FUT9: variants seen among roughly 807,000 people sequenced by gnomAD.
The protein encoded by FUT9 is fucosyltransferase 9.
A neutral mutation model predicts 29.7 loss-of-function variants in FUT9; 15 were observed. The ratio of observed to expected loss-of-function variants is 0.51; its 90% CI spans 0.34 to 0.78. The LOEUF (loss-of-function observed/expected upper bound fraction) is 0.78, where lower values mean the gene tolerates loss of function less well. Among genes scored for constraint, FUT9 ranks in the 30% least tolerant of loss-of-function variants. The pLI, the probability that FUT9 is intolerant of heterozygous loss-of-function variation, is 0.01. For synonymous variants in FUT9, 169 were observed against 153.7 expected (o/e 1.10, Z -0.74); for missense variants, 319 against 425.4 (o/e 0.75, Z 2.20).
chr6:96,144,717 G>A (rs1201083477), intron 2 of FUT9, among the ~76,000 whole-genome samples: 1 of 151,992 alleles, frequency 6.6e-6, no homozygotes, highest in African/African-American at 2.4e-5. Flanking sequence ...TAGTTTAAGT[G>A]GAATTATTCA....
At chr6:96,159,669 A>G (rs959652957) in intron 2 of FUT9, among the ~76,000 whole-genome samples, 2 of 152,134 alleles carry the variant, frequency 1.3e-5, no homozygotes, top group Non-Finnish European at 2.9e-5. Context: ...TTTCTGCTGG[A>G]GCCAGGATCC....
chr6:96,067,792 T>A (rs1215894254), intron 1 of FUT9, among the ~76,000 whole-genome samples: 2 of 152,294 alleles, frequency 1.3e-5, no homozygotes, highest in East Asian at 3.9e-4. Flanking sequence ...AGCTAGTTTT[T>A]CTACCTTTTA....
At chr6:96,202,561 T>A (rs191147527) in intron 2 of FUT9, among the ~76,000 whole-genome samples, 2 of 152,308 alleles carry the variant, frequency 1.3e-5, no homozygotes, top group African/African-American at 4.8e-5. Context: ...ACTTGTTTTT[T>A]AAAAATGTAT....
chr6:96,183,742 C>T (rs189386665), intron 2 of FUT9, among the ~76,000 whole-genome samples: 484 of 152,112 alleles, frequency 3.2e-3, no homozygotes, highest in African/African-American at 0.011. Context: ...TGTTGTATCA[C>T]ATTTATTAAC....
intron 2 of FUT9, among the ~76,000 whole-genome samples, chr6:96,193,229 T>C (rs1582300434): frequency 7.2e-6 from 1 of 139,766 alleles, no homozygotes; most frequent in African/African-American, 2.6e-5. Flanking sequence ...AAAGAGCTTC[T>C]GCACAGCCAA....
intron 1 of FUT9, among the ~76,000 whole-genome samples, chr6:96,105,553 T>G (rs900143785): frequency 2.6e-5 from 4 of 152,220 alleles, no homozygotes; most frequent in Non-Finnish European, 5.9e-5. Flanking sequence ...CTATGCTAAA[T>G]TTTATCATTT....
intron 1 of FUT9, among the ~76,000 whole-genome samples, chr6:96,025,617 A>G (rs1353994567): frequency 6.6e-6 from 1 of 151,684 alleles, no homozygotes; most frequent in African/African-American, 2.4e-5. Context: ...GGAAGGAGAG[A>G]GACTTCATAT....
intron 1 of FUT9, among the ~76,000 whole-genome samples, chr6:96,050,307 A>G (rs1770642392): frequency 1.3e-5 from 2 of 152,228 alleles, no homozygotes; most frequent in Non-Finnish European, 1.5e-5. Flanking sequence ...TTAAAATTCA[A>G]TAGTTTAAGA....
At chr6:96,174,741 G>T (rs1773173758) in intron 2 of FUT9, among the ~76,000 whole-genome samples, 1 of 152,168 alleles carries the variant, frequency 6.6e-6, no homozygotes, top group South Asian at 2.1e-4. Flanking sequence ...GGTTAGAAAG[G>T]TTGAAGAAGA....
chr6:96,021,436 G>C (rs1454829134), intron 1 of FUT9, among the ~76,000 whole-genome samples: 3 of 151,798 alleles, frequency 2.0e-5, no homozygotes, highest in Non-Finnish European at 2.9e-5. Flanking sequence ...AAAGTAAGTA[G>C]GAAATGCTTA....
intron 2 of FUT9, among the ~76,000 whole-genome samples, chr6:96,125,367 A>G (rs1772115270): frequency 6.6e-6 from 1 of 152,216 alleles, no homozygotes; most frequent in Admixed American, 6.5e-5. Flanking sequence ...TTTAGGGATA[A>G]GAATAATTCC....
At chr6:96,175,072 C>T (rs916805191) in intron 2 of FUT9, among the ~76,000 whole-genome samples, 1 of 151,794 alleles carries the variant, frequency 6.6e-6, no homozygotes, top group African/African-American at 2.4e-5. Flanking sequence ...TAGGCATTAG[C>T]TAGATTGAAG....
chr6:96,064,618 A>G (rs1770932195), intron 1 of FUT9, among the ~76,000 whole-genome samples: 1 of 152,190 alleles, frequency 6.6e-6, no homozygotes, highest in Non-Finnish European at 1.5e-5. Context: ...ATACAAACAT[A>G]AAAGTAGCTC....
Position 96,212,236 on chromosome 6 carries a change from A to G in FUT9, c.*8001A>G. The G allele has an allele frequency of 2.4e-6, 1 of 412,766 alleles. No homozygotes were observed. The highest frequency in any genetic ancestry group is 1.3e-4 in the South Asian group (1 of 7,856). 25.6% of individuals were successfully genotyped at this position (412,766 alleles called of 1,614,324 possible). ...TCATTAGCCACCTTCAGTTCCTTAA[A>G]TGAGATAATCCTGAAGATGCCATCC... On this transcript the variant is annotated 3_prime_UTR_variant, in exon 3 of 3. Transcript: ENST00000302103.
intron 2 of FUT9, among the ~76,000 whole-genome samples, chr6:96,170,900 A>T (rs2127982956): frequency 6.6e-6 from 1 of 152,256 alleles, no homozygotes; most frequent in East Asian, 1.9e-4. Context: ...TTAGTACATA[A>T]ATGAAGTAAC....
intron 2 of FUT9, among the ~76,000 whole-genome samples, chr6:96,140,003 A>T (rs1417949940): frequency 6.6e-6 from 1 of 152,168 alleles, no homozygotes; most frequent in Non-Finnish European, 1.5e-5. Context: ...TTTCTTTTCT[A>T]TCACATTATC....
At chr6:96,044,563 G>A (rs1770525059) in intron 1 of FUT9, among the ~76,000 whole-genome samples, 1 of 152,126 alleles carries the variant, frequency 6.6e-6, no homozygotes, top group Non-Finnish European at 1.5e-5. Context: ...TATTGACACA[G>A]AATCTCCAAA....
intron 1 of FUT9, among the ~76,000 whole-genome samples, chr6:96,102,235 TA>T (rs1771598631): frequency 6.6e-6 from 1 of 152,066 alleles, no homozygotes; most frequent in Non-Finnish European, 1.5e-5. Flanking sequence ...TGTAGGTATT[TA>T]AAAGATGGCA....
At chr6:96,141,523 G>A (rs555799706) in intron 2 of FUT9, among the ~76,000 whole-genome samples, 57 of 152,302 alleles carry the variant, frequency 3.7e-4, no homozygotes, top group African/African-American at 1.3e-3. Context: ...AGGGGTCCAG[G>A]GGGATCAGAG....
Sources: gnomAD v4.1 joint callset for allele counts (sites outside exome capture counted in the v4.1 genomes callset) on GRCh38, gnomAD v4.1.1 for gene constraint, MANE v1.5 for transcripts, NCBI Gene and HGNC (gene_info 2026-07-23, HGNC 2026-07-21) for gene names.